GPHN: variants seen among roughly 807,000 people sequenced by gnomAD.
GPHN encodes gephyrin.
In GPHN, 17 loss-of-function variants were observed where a neutral mutation model predicts 95.5. The observed-to-expected ratio is 0.18, with a 90% CI of 0.12 to 0.27. GPHN has a LOEUF of 0.27. GPHN is among the 10% of genes least tolerant of loss of function. The pLI, the probability that GPHN is intolerant of heterozygous loss-of-function variation, is 1.00. For missense variants in GPHN, 660 were observed against 978.1 expected (o/e 0.67, Z 4.34); for synonymous variants, 320 against 322.5 (o/e 0.99, Z 0.08).
intron 2 of GPHN, among the ~76,000 whole-genome samples, chr14:66,703,353 C>T (rs981394327): frequency 5.3e-5 from 8 of 152,030 alleles, no homozygotes; most frequent in African/African-American, 1.9e-4. Context: ...TCAGATTCTC[C>T]AAGGACAAAA....
At chr14:66,934,715 A>G (rs1190983146) in intron 8 of GPHN, among the ~76,000 whole-genome samples, 1 of 152,214 alleles carries the variant, frequency 6.6e-6, no homozygotes, top group African/African-American at 2.4e-5. Context: ...AGCATAAGAA[A>G]CAATCCTGAG....
the GPHN span, among the ~76,000 whole-genome samples, chr14:67,268,023 TC>T: frequency 6.6e-6 from 1 of 152,208 alleles, no homozygotes; most frequent in Admixed American, 6.5e-5. Context: ...TTAATATTGC[TC>T]CTATGCATAC....
At chr14:67,195,713 TTGTGTGTGTGTGTGTG>T in the GPHN span, among the ~76,000 whole-genome samples, 6 of 143,344 alleles carry the variant, frequency 4.2e-5, no homozygotes, top group Admixed American at 1.4e-4. Context: ...TTCTTTTTGG[TTGTGTGTGTGTGTGTG>T]TGTGTGTGTG....
the GPHN span, chr14:67,617,227 A>T: frequency 3.3e-5 from 5 of 152,150 alleles, no homozygotes; most frequent in Admixed American, 2.6e-4. Flanking sequence ...CCTAGGCTGC[A>T]ATGCAATGGT....
At chr14:67,594,407 GGGAGGCCAAGGCAGGT>G in the GPHN span, among the ~76,000 whole-genome samples, 10 of 152,280 alleles carry the variant, frequency 6.6e-5, no homozygotes, top group African/African-American at 2.4e-4. Flanking sequence ...CTAGCACTTT[GGGAGGCCAAGGCAGGT>G]GGATCACAAG....
chr14:67,690,226 G>A, the GPHN span: 1 of 1,613,314 alleles, frequency 6.2e-7, no homozygotes, highest in Non-Finnish European at 8.5e-7. Flanking sequence ...TAGTCTCCGG[G>A]CCAGTTCCTG....
the GPHN span, among the ~76,000 whole-genome samples, chr14:67,713,167 A>G: frequency 4.6e-5 from 7 of 152,058 alleles, no homozygotes; most frequent in Non-Finnish European, 7.4e-5. Flanking sequence ...AGCCAAGACA[A>G]AACCTCAATT....
At chr14:67,169,073 C>A in intron 21 of GPHN, 37 bp downstream of exon 21, 1 of 1,205,366 alleles carries the variant, frequency 8.3e-7, no homozygotes, top group Non-Finnish European at 1.2e-6. Context: ...AAAATGGAAG[C>A]CTGGTAACAG....
At chr14:67,538,186 C>T in the GPHN span, among the ~76,000 whole-genome samples, 13 of 152,196 alleles carry the variant, frequency 8.5e-5, no homozygotes, top group African/African-American at 3.1e-4. Flanking sequence ...TTATTTTTTG[C>T]CATTAATGTA....
intron 1 of GPHN, among the ~76,000 whole-genome samples, chr14:66,588,322 T>G (rs977266538): frequency 6.6e-6 from 1 of 151,966 alleles, no homozygotes; most frequent in Admixed American, 6.6e-5. Flanking sequence ...AAAACCAGAA[T>G]GCCTCTTCTC....
chr14:66,606,469 G>A (rs929762558), intron 1 of GPHN, among the ~76,000 whole-genome samples: 1 of 152,078 alleles, frequency 6.6e-6, no homozygotes, highest in African/African-American at 2.4e-5. Flanking sequence ...ATCTGCTTTT[G>A]TTCCATGTGA....
chr14:67,284,586 A>AAAAAC, the GPHN span, among the ~76,000 whole-genome samples: 8 of 140,480 alleles, frequency 5.7e-5, no homozygotes, highest in African/African-American at 2.1e-4. Context: ...AAAAAAAAAA[A>AAAAAC]AAGGTTGTGC....
intron 2 of GPHN, among the ~76,000 whole-genome samples, chr14:66,704,415 G>T (rs1300555708): frequency 6.6e-6 from 1 of 152,064 alleles, no homozygotes; most frequent in Non-Finnish European, 1.5e-5. Context: ...ATAATTGGAA[G>T]TAAAACGCTC....
intron 1 of GPHN, among the ~76,000 whole-genome samples, chr14:66,520,727 G>A (rs1401527921): frequency 6.6e-6 from 1 of 151,012 alleles, no homozygotes; most frequent in Non-Finnish European, 1.5e-5. Flanking sequence ...TTTTATTTTA[G>A]TTTCAAGGGT....
intron 3 of GPHN, among the ~76,000 whole-genome samples, chr14:66,813,782 A>G (rs2060852419): frequency 6.6e-6 from 1 of 152,158 alleles, no homozygotes. Flanking sequence ...TGCGCAACAG[A>G]CAGGGCTGGT....
the GPHN span, among the ~76,000 whole-genome samples, chr14:67,681,010 A>G: frequency 6.6e-6 from 1 of 152,218 alleles, no homozygotes; most frequent in Admixed American, 6.5e-5. Context: ...TTATACTCCA[A>G]TTGTGTTCCC....
At chr14:66,968,062 C>A (rs1484528384) in intron 9 of GPHN, among the ~76,000 whole-genome samples, 2 of 151,872 alleles carry the variant, frequency 1.3e-5, no homozygotes, top group Admixed American at 6.6e-5. Context: ...AATAATGAAT[C>A]TTTTTGCCTT....
At chr14:66,767,155 C>T (rs1484929461) in intron 2 of GPHN, among the ~76,000 whole-genome samples, 1 of 151,950 alleles carries the variant, frequency 6.6e-6, no homozygotes, top group Non-Finnish European at 1.5e-5. Flanking sequence ...CGCATTTCTA[C>T]TCATTATATT....
the GPHN span, among the ~76,000 whole-genome samples, chr14:67,663,999 A>T: frequency 6.6e-5 from 10 of 152,284 alleles, no homozygotes; most frequent in East Asian, 5.8e-4. Flanking sequence ...TTGATTTTTT[A>T]AAAAAATTTA....
Sources: gnomAD v4.1 joint callset for allele counts (sites outside exome capture counted in the v4.1 genomes callset) on GRCh38, gnomAD v4.1.1 for gene constraint, MANE v1.5 for transcripts, NCBI Gene and HGNC (gene_info 2026-07-23, HGNC 2026-07-21) for gene names.